MTHFD2L: variants seen among roughly 807,000 people sequenced by gnomAD.
MTHFD2L encodes bifunctional methylenetetrahydrofolate dehydrogenase/cyclohydrolase 2, mitochondrial.
MTHFD2L carries 29 observed loss-of-function variants against 34.9 expected under a neutral mutation model. The ratio of observed to expected loss-of-function variants is 0.83; its 90% CI spans 0.62 to 1.13. MTHFD2L has a LOEUF of 1.13. Ranked by LOEUF, MTHFD2L falls within the 50% of genes most tolerant of loss-of-function variation. The pLI, the probability that MTHFD2L is intolerant of heterozygous loss-of-function variation, is 0.00. For missense variants in MTHFD2L, 481 were observed against 446.5 expected, an observed-to-expected ratio of 1.08 and a Z score of -0.70; for synonymous variants, 167 against 155.7, an observed-to-expected ratio of 1.07 and a Z score of -0.54.
chr4:74,190,298 G>A (rs969957128), intron 3 of MTHFD2L, among the ~76,000 whole-genome samples: 1 of 152,108 alleles, frequency 6.6e-6, no homozygotes, highest in Non-Finnish European at 1.5e-5. Flanking sequence ...GTAATTTTAG[G>A]ATCTCCATAT....
intron 5 of MTHFD2L, among the ~76,000 whole-genome samples, chr4:74,221,760 G>T (rs540714294): frequency 6.7e-6 from 1 of 150,030 alleles, no homozygotes; most frequent in East Asian, 1.9e-4. Context: ...AATATATATG[G>T]TAAAACTATC....
intron 3 of MTHFD2L, chr4:74,184,064 TAACAC>T (rs1730689862): frequency 6.6e-6 from 1 of 151,934 alleles, no homozygotes; most frequent in Admixed American, 6.6e-5. Context: ...ACCATGAAAA[TAACAC>T]AACAAAGAGT....
chr4:74,126,296 A>C (rs1332162754), intron 1 of MTHFD2L, among the ~76,000 whole-genome samples: 1 of 152,180 alleles, frequency 6.6e-6, no homozygotes, highest in Non-Finnish European at 1.5e-5. Flanking sequence ...ATAAAGATCA[A>C]AATAATTCTA....
intron 6 of MTHFD2L, among the ~76,000 whole-genome samples, chr4:74,233,726 TC>T (rs1057488733): frequency 1.2e-3 from 178 of 152,228 alleles, no homozygotes; most frequent in African/African-American, 4.1e-3. Context: ...AAAACATTTT[TC>T]CAAGATCGAT....
chr4:74,202,055 T>C (rs1284856019), intron 5 of MTHFD2L, among the ~76,000 whole-genome samples: 1 of 152,246 alleles, frequency 6.6e-6, no homozygotes, highest in East Asian at 1.9e-4. Flanking sequence ...CACACAGATA[T>C]TCTGCTTTAC....
At chr4:74,179,623 A>G (rs1235865184) in intron 3 of MTHFD2L, among the ~76,000 whole-genome samples, 1 of 151,442 alleles carries the variant, frequency 6.6e-6, no homozygotes, top group African/African-American at 2.5e-5. Flanking sequence ...CTTTCCTCAT[A>G]AAAAGAGAAT....
intron 6 of MTHFD2L, among the ~76,000 whole-genome samples, chr4:74,233,939 A>C (rs951702181): frequency 1.3e-5 from 2 of 151,864 alleles, no homozygotes; most frequent in African/African-American, 4.8e-5. Context: ...CTCAACACAT[A>C]TATATGTACT....
chr4:74,289,524 T>C (rs1471640522), intron 7 of MTHFD2L, among the ~76,000 whole-genome samples: 10 of 152,258 alleles, frequency 6.6e-5, no homozygotes, highest in East Asian at 3.9e-4. Flanking sequence ...TGGAAATCCA[T>C]TGGAGGATGT....
chr4:74,169,538 C>T (rs925658658), intron 1 of MTHFD2L, among the ~76,000 whole-genome samples: 5 of 152,140 alleles, frequency 3.3e-5, no homozygotes, highest in African/African-American at 4.8e-5. Flanking sequence ...ATGTATATTC[C>T]TTACTGTGTT....
At chr4:74,250,300 T>C (rs1450885604) in intron 6 of MTHFD2L, among the ~76,000 whole-genome samples, 1 of 152,254 alleles carries the variant, frequency 6.6e-6, no homozygotes, top group Non-Finnish European at 1.5e-5. Context: ...TCACACTCTC[T>C]AATTTAATTC....
chr4:74,152,281 TA>T lies in MTHFD2L; in HGVS notation c.-296-7767del, dbSNP rs919104012. 4.6e-5 allele frequency among the ~76,000 whole-genome samples: 7 copies of T among 152,212 alleles called. No individual in the cohort carries two copies. In the East Asian group the frequency reaches 5.8e-4, roughly 13 times the overall value. On this transcript the variant is annotated intron_variant, in intron 1 of 7. Coordinates refer to the MTHFD2L transcript ENST00000433372. ...TATGACTTATCATATTTTGAGGGCATAAAAAAACTCTGCTTTAGGAAGCTTT... is the reference window on the plus strand; with the variant it reads ...TATGACTTATCATATTTTGAGGGCATAAAAAACTCTGCTTTAGGAAGCTTT...
chr4:74,258,503 G>A (rs182600008), intron 6 of MTHFD2L, among the ~76,000 whole-genome samples: 7 of 151,852 alleles, frequency 4.6e-5, no homozygotes, highest in African/African-American at 9.7e-5. Context: ...TTGAAAATAC[G>A]GTATTCTTGG....
At chr4:74,221,925 C>G (rs530675695) in intron 5 of MTHFD2L, among the ~76,000 whole-genome samples, 1 of 151,878 alleles carries the variant, frequency 6.6e-6, no homozygotes, top group African/African-American at 2.4e-5. Context: ...TACTGATACT[C>G]TAGTACAATA....
intron 7 of MTHFD2L, among the ~76,000 whole-genome samples, chr4:74,289,090 C>T (rs1748557047): frequency 6.6e-6 from 1 of 152,050 alleles, no homozygotes; most frequent in Admixed American, 6.6e-5. Flanking sequence ...ACAACAGTGA[C>T]CTAAAAAGAC....
chr4:74,145,466 C>A (rs75165399), intron 1 of MTHFD2L, among the ~76,000 whole-genome samples: 7,737 of 152,166 alleles, frequency 0.051, 258 homozygotes, highest in Non-Finnish European at 0.078. Context: ...TGGAGCCAGT[C>A]TCCCAGAATA....
At chr4:74,291,293 G>A (rs889931509) in intron 7 of MTHFD2L, among the ~76,000 whole-genome samples, 5 of 151,850 alleles carry the variant, frequency 3.3e-5, no homozygotes, top group Admixed American at 6.6e-5. Flanking sequence ...GGGATTACAG[G>A]CATGAGCCTT....
At chr4:74,241,743 G>A in intron 6 of MTHFD2L, 1 of 175,902 alleles carries the variant, frequency 5.7e-6, no homozygotes, top group South Asian at 9.9e-5. Context: ...TAATTTTCTT[G>A]ACATTGCTAA....
At position 74,212,306 on chromosome 4, in the gene MTHFD2L, G is replaced by C. The variant is rs367822799; in HGVS notation, c.712+10936G>C. ...ATGTTAGGGTGTCGATTTTAGATCT[G>C]TCCCACTTTCTCCTGTGGGTATTTA... On this transcript the variant is annotated intron_variant, in intron 5 of 7. Transcript: ENST00000325278. 3.9e-5 allele frequency among the ~76,000 whole-genome samples: 6 copies of C among 152,018 alleles called. No homozygotes were observed. In the East Asian group the frequency reaches 9.7e-4, roughly 25 times the overall value.
chr4:74,168,932 T>A (rs1235111098), intron 1 of MTHFD2L, among the ~76,000 whole-genome samples: 1 of 152,170 alleles, frequency 6.6e-6, no homozygotes, highest in Non-Finnish European at 1.5e-5. Flanking sequence ...AATGTGTGAG[T>A]TGACTAGTTC....
Sources: allele counts gnomAD v4.1 joint callset (sites outside exome capture counted in the v4.1 genomes callset), GRCh38; gene constraint gnomAD v4.1.1; transcripts MANE v1.5; gene names NCBI Gene and HGNC (gene_info 2026-07-23, HGNC 2026-07-21).